Variants in DIS3 observed in about 807,000 individuals in gnomAD.
DIS3 encodes DIS3 exosome endoribonuclease and 3'-5' exoribonuclease.
A neutral mutation model predicts 113.0 loss-of-function variants in DIS3; 103 were observed. The ratio of observed to expected loss-of-function variants is 0.91; its 90% confidence interval spans 0.78 to 1.07. The LOEUF (loss-of-function observed/expected upper bound fraction) is 1.07. DIS3 is among the 50% of genes least tolerant of loss of function. The probability of loss-of-function intolerance (pLI) is 0.00; values close to 1 mark genes in which losing one functional copy is unlikely to be tolerated. For missense variants in DIS3, 1,121 were observed against 1,167.1 expected (o/e 0.96, Z 0.58); for synonymous variants, 402 against 394.3 (o/e 1.02, Z -0.23).
Position 72,775,366 on chromosome 13 carries a change from GT to G in DIS3, c.831del (p.Leu277PhefsTer7). 1 of 1,600,896 alleles carries G rather than the reference GT, an allele frequency of 6.2e-7. No individual in the cohort carries two copies. Among genetic ancestry groups the G allele is most frequent in the Non-Finnish European group, 8.5e-7 (1 of 1,175,044 alleles). ...GDNEENKEII[L>X]QGLKHLNRAV... ...GCTCTGTTTAAATGTTTAAGTCCCT[GT>G]AAGATTATCTGTTTAAAACAACAGA... On this transcript the variant is annotated frameshift_variant, in exon 6 of 21. Transcript: ENST00000377767. LOFTEE classifies it high-confidence loss of function.
At position 72,761,747 on chromosome 13, in the gene DIS3, A is replaced by G; in HGVS notation, c.2410T>C (p.Leu804=). The G allele has an allele frequency of 6.2e-7, 1 of 1,613,850 alleles. No individual in the cohort carries two copies. Among genetic ancestry groups the G allele is most frequent in the Non-Finnish European group, 8.5e-7 (1 of 1,179,968 alleles). The change falls in exon 18 of 21, where the codon TTG becomes CTG. Residue 804 remains leucine, a synonymous_variant. Coordinates refer to ENST00000377767, the MANE Select transcript of DIS3 (RefSeq NM_014953.5). ...AIGADCTYPE[L]TDKHKLADIC... is the part of the protein sequence containing the mutation. ...TCTGCAAGCTTGTGTTTGTCTGTCA[A>G]CTCTGGATAAGTACAGTCAGCCCCA...
chr13:72,777,738 C>G (rs2034051777), intron 3 of DIS3, among the ~76,000 whole-genome samples: 1 of 151,712 alleles, frequency 6.6e-6, no homozygotes, highest in African/African-American at 2.4e-5. Context: ...TAGTTACATA[C>G]TACCATGCAC....
rs2033401785 is a variant in DIS3, at chr13:72,754,824, T to C, written c.*4971A>G. 9.3e-6 allele frequency: 2 copies of C among 213,926 alleles called. No individual in the cohort carries two copies. The highest frequency in any genetic ancestry group is 1.9e-5 in the Non-Finnish European group (2 of 107,394). The allele number at this position is 213,926 out of a possible 1,614,324, so 13.3% of individuals were successfully genotyped here. A position where few individuals can be genotyped will look rare whatever the true frequency, so the allele number is the denominator to read the frequency against. On this transcript the variant is annotated 3_prime_UTR_variant, in exon 21 of 21. Transcript: ENST00000377767. ...TTCACCTCCCAGACTCAAGCAGTCTTACCACCTCAGCCTCCTGAGTAGCTA... is the reference window on the plus strand; with the variant it reads ...TTCACCTCCCAGACTCAAGCAGTCTCACCACCTCAGCCTCCTGAGTAGCTA...
chr13:72,780,732 G>A (rs1305699825), intron 2 of DIS3, 114 bp downstream of exon 2: 2 of 1,003,784 alleles, frequency 2.0e-6, no homozygotes, highest in South Asian at 1.6e-5. Flanking sequence ...AATTAAATAA[G>A]GTATGAAATC....
chr13:72,778,484 T>C (rs1451790823), intron 2 of DIS3, 104 bp from the exon 3 acceptor site: 7 of 822,038 alleles, frequency 8.5e-6, no homozygotes, highest in Admixed American at 5.9e-5. Flanking sequence ...AAAAAGTCAA[T>C]GGTATATCTT....
chr13:72,761,667 T>G lies in DIS3; in HGVS notation c.2490A>C (p.Ala830=). The G allele has an allele frequency of 6.2e-7, 1 of 1,608,120 alleles. No homozygotes were observed. The highest frequency in any genetic ancestry group is 8.5e-7 in the Non-Finnish European group (1 of 1,178,552). ...RHKMAQYAQR[A]SVAFHTQLFF... ...ATACCTGGGTATGAAAAGCCACTGA[T>G]GCACGTTGGGCATATTGAGCCATTT... The change falls in exon 18 of 21, where the codon GCA becomes GCC. Residue 830 remains alanine, a synonymous_variant. Coordinates refer to ENST00000377767, the MANE Select transcript of DIS3 (RefSeq NM_014953.5).
At chr13:72,772,041 G>A (rs2033898094) in intron 10 of DIS3, 118 bp downstream of exon 10, 10 of 1,186,662 alleles carry the variant, frequency 8.4e-6, no homozygotes, top group Middle Eastern at 2.1e-4. Flanking sequence ...GGCCAATAGC[G>A]TGCAGCTACA....
chr13:72,780,159 C>A (rs368080965), intron 2 of DIS3, among the ~76,000 whole-genome samples: 1 of 151,514 alleles, frequency 6.6e-6, no homozygotes, highest in South Asian at 2.1e-4. Flanking sequence ...AACCCTGTCT[C>A]TACTAAAAAT....
Position 72,756,461 on chromosome 13 carries a change from GTTT to G in DIS3, c.*3331_*3333del, listed in dbSNP as rs1446544238. On this transcript the variant is annotated 3_prime_UTR_variant, in exon 21 of 21. Transcript: ENST00000377767. ...AAGGGTAGAAGCCTCACTGGCTACA[GTTT>G]TTTAATAGTACAAAAGTCAAGAAAT... 3 of 152,270 alleles carry G rather than the reference GTTT, an allele frequency of 2.0e-5. No individual in the cohort carries two copies. Among genetic ancestry groups the G allele is most frequent in the Non-Finnish European group, 4.4e-5 (3 of 68,096 alleles). 9.4% of individuals were successfully genotyped at this position (152,270 alleles called of 1,614,324 possible).
chr13:72,779,542 C>A (rs896996530), intron 2 of DIS3, among the ~76,000 whole-genome samples: 1 of 152,076 alleles, frequency 6.6e-6, no homozygotes, highest in African/African-American at 2.4e-5. Flanking sequence ...GAGGTACTAA[C>A]AATAAGAAGC....
At chr13:72,775,451 A>C (rs901548882) in intron 5 of DIS3, 76 bp from the exon 6 acceptor site, 1 of 1,426,284 alleles carries the variant, frequency 7.0e-7, no homozygotes, top group East Asian at 2.4e-5. Flanking sequence ...CATCTAACAG[A>C]TATTTACATA....
At chr13:72,761,312 CAAAG>C in intron 19 of DIS3, 47 bp downstream of exon 19, 1 of 1,559,416 alleles carries the variant, frequency 6.4e-7, no homozygotes, top group Non-Finnish European at 8.6e-7. Context: ...TATGAACTCT[CAAAG>C]AAAAAGTGCC....
In DIS3 at chr13:72,761,667, T is replaced by A. The variant is rs779777442; in HGVS notation, c.2490A>T (p.Ala830=). Residue 830 remains alanine (A), a synonymous_variant, in exon 18 of 21, where the codon GCA becomes GCT. Transcript: ENST00000377767. ...RHKMAQYAQR[A]SVAFHTQLFF... Reference sequence around the variant, plus strand: ...ATACCTGGGTATGAAAAGCCACTGATGCACGTTGGGCATATTGAGCCATTT... The same window carrying A: ...ATACCTGGGTATGAAAAGCCACTGAAGCACGTTGGGCATATTGAGCCATTT... The A allele has an allele frequency of 3.7e-6, 6 of 1,608,002 alleles. No individual in the cohort carries two copies. The highest frequency in any genetic ancestry group is 5.1e-6 in the Non-Finnish European group (6 of 1,178,560).
At chr13:72,765,583 C>A (rs2033725606) in intron 15 of DIS3, among the ~76,000 whole-genome samples, 1 of 152,152 alleles carries the variant, frequency 6.6e-6, no homozygotes, top group Admixed American at 6.5e-5. Flanking sequence ...CTAATGCTGC[C>A]ACCGATCTGA....
intron 1 of DIS3, chr13:72,781,227 A>G: frequency 6.5e-7 from 1 of 1,532,130 alleles, no homozygotes; most frequent in South Asian, 1.2e-5. Context: ...GACTTCGTAG[A>G]ATTAAGGGTA....
intron 9 of DIS3, 89 bp from the exon 10 acceptor site, chr13:72,772,364 T>TA: frequency 9.9e-7 from 1 of 1,010,698 alleles, no homozygotes; most frequent in Non-Finnish European, 1.4e-6. Flanking sequence ...GTAATATGTA[T>TA]ACAAAAACAA....
In DIS3 at chr13:72,754,106, A is replaced by G. The variant is rs2033365580; in HGVS notation, c.*5689T>C. ...TTCATACTTGAAGAAACTCATCATA[A>G]TTTCAGGCACTAGTCAGGACAGTCT... On this transcript the variant is annotated 3_prime_UTR_variant, in exon 21 of 21. Transcript: ENST00000377767. 7.7e-6 allele frequency: 2 copies of G among 258,900 alleles called. No individual in the cohort carries two copies. Among genetic ancestry groups the G allele is most frequent in the South Asian group, 1.4e-4 (2 of 14,582 alleles). The allele number at this position is 258,900 out of a possible 1,614,324, so 16.0% of individuals were successfully genotyped here.
In DIS3 at chr13:72,753,538, T is replaced by G; in HGVS notation, c.*6257A>C. The G allele has an allele frequency of 2.8e-6, 2 of 718,752 alleles. No individual in the cohort carries two copies. Among genetic ancestry groups the G allele is most frequent in the South Asian group, 4.2e-5 (2 of 47,466 alleles). 44.5% of individuals were successfully genotyped at this position (718,752 alleles called of 1,614,324 possible). On this transcript the variant is annotated 3_prime_UTR_variant, in exon 21 of 21. Transcript: ENST00000377767. The stretch of plus-strand genomic sequence containing the variant: ...ACTATGCAGGACTACCTTTTATATT[T>G]GTGCATTACTTTTGAATTTTGTTCA...
In DIS3 at chr13:72,760,789, G is replaced by A. The variant is rs1053807472; in HGVS notation, c.2671-138C>T. On this transcript the variant is annotated intron_variant, in intron 19 of 20. Transcript: ENST00000377767. ...CATCTACGTGTTCAACATAACAAAGGCCACAAACCTAGTAGTCTCATATAA... is the reference window on the plus strand; with the variant it reads ...CATCTACGTGTTCAACATAACAAAGACCACAAACCTAGTAGTCTCATATAA... The A allele has an allele frequency of 3.1e-6, 3 of 981,326 alleles. No individual in the cohort carries two copies. The African/African-American group carries it at 5.0e-5, about 16-fold the overall frequency. 60.8% of individuals were successfully genotyped at this position (981,326 alleles called of 1,614,324 possible).
Sources: gnomAD v4.1 joint callset for allele counts (sites outside exome capture counted in the v4.1 genomes callset) on GRCh38, gnomAD v4.1.1 for gene constraint, MANE v1.5 for transcripts, NCBI Gene and HGNC (gene_info 2026-07-23, HGNC 2026-07-21) for gene names.